Variants in KIF13B observed in about 807,000 individuals in gnomAD.
The protein encoded by KIF13B is kinesin-like protein KIF13B.
KIF13B carries 127 observed loss-of-function variants against 222.0 expected under a neutral mutation model. The observed-to-expected ratio is 0.57, with a 90% CI of 0.50 to 0.66. The LOEUF is 0.66. Ranked by LOEUF, KIF13B falls within the 30% of genes least tolerant of loss-of-function variation. KIF13B has a pLI of 0.00. For missense variants in KIF13B, 2,173 were observed against 2,379.0 expected (o/e 0.91, Z 1.80); for synonymous variants, 976 against 919.0 (o/e 1.06, Z -1.12).
chr8:29,249,192 C>G (rs541826240), intron 1 of KIF13B, among the ~76,000 whole-genome samples: 3 of 152,232 alleles, frequency 2.0e-5, no homozygotes, highest in Admixed American at 6.5e-5. Context: ...CTTTGGGAGG[C>G]CGAGAAGGGT....
chr8:29,184,001 A>C (rs112648422), intron 6 of KIF13B, among the ~76,000 whole-genome samples: 71 of 152,276 alleles, frequency 4.7e-4, no homozygotes, highest in African/African-American at 1.5e-3. Context: ...CTTAAATCTA[A>C]AATCTATAGT....
At chr8:29,188,629 A>G (rs1488416560) in intron 4 of KIF13B, 22 bp from the exon 5 acceptor site, 1 of 1,525,390 alleles carries the variant, frequency 6.6e-7, no homozygotes, top group African/African-American at 1.4e-5. Context: ...AGAATAAGAG[A>G]AAAGATATTT....
chr8:29,097,612 A>G (rs183930222), intron 36 of KIF13B, among the ~76,000 whole-genome samples: 34 of 152,338 alleles, frequency 2.2e-4, no homozygotes, highest in Non-Finnish European at 3.5e-4. Context: ...AATTAATGCT[A>G]GTTGATAAGT....
At chr8:29,178,866 G>A (rs538338408) in intron 8 of KIF13B, among the ~76,000 whole-genome samples, 5 of 152,014 alleles carry the variant, frequency 3.3e-5, no homozygotes, top group African/African-American at 9.7e-5. Context: ...TAGGGGGTAG[G>A]CATCATAATA....
intron 27 of KIF13B, 111 bp downstream of exon 27, chr8:29,123,913 C>A (rs866734851): frequency 1.5e-6 from 1 of 672,622 alleles, no homozygotes; most frequent in Non-Finnish European, 2.6e-6. Context: ...CTCCTGCCAT[C>A]CCCATTACTG....
chr8:29,081,653 T>G (rs1807815669), intron 37 of KIF13B, among the ~76,000 whole-genome samples: 1 of 152,238 alleles, frequency 6.6e-6, no homozygotes, highest in African/African-American at 2.4e-5. Context: ...TTCAATACAC[T>G]AGGTTAAACA....
At chr8:29,191,166 A>T (rs895774886) in intron 3 of KIF13B, 109 bp from the exon 4 acceptor site, 11 of 761,890 alleles carry the variant, frequency 1.4e-5, no homozygotes, top group Non-Finnish European at 2.4e-5. Context: ...ACTGTCATAC[A>T]ATGGGAATTA....
intron 30 of KIF13B, 104 bp downstream of exon 30, chr8:29,118,764 G>A (rs1809719459): frequency 8.4e-7 from 1 of 1,185,592 alleles, no homozygotes; most frequent in Non-Finnish European, 1.2e-6. Context: ...TGTATTTTGA[G>A]AAATGTAAAG....
At chr8:29,238,562 C>T (rs1815616377) in intron 2 of KIF13B, among the ~76,000 whole-genome samples, 1 of 152,200 alleles carries the variant, frequency 6.6e-6, no homozygotes, top group Non-Finnish European at 1.5e-5. Context: ...TCAGTCTTCC[C>T]ATTAGACTGG....
intron 38 of KIF13B, among the ~76,000 whole-genome samples, chr8:29,073,926 C>T (rs1193839150): frequency 6.6e-6 from 1 of 152,226 alleles, no homozygotes; most frequent in African/African-American, 2.4e-5. Context: ...AGCATAAATA[C>T]TCTAAAAGAT....
rs763069320 is a variant in KIF13B, at chr8:29,070,787, G to A, written c.5219-21C>T. On this transcript the variant is annotated intron_variant, in intron 39 of 39. Transcript: ENST00000524189. The surrounding 1 kb of genome is among the most constrained non-coding windows in gnomAD (Gnocchi z 4.1). Reference sequence around the variant, plus strand: ...CTTACCTGCGGGGGAAGGAGAGGGTGATATGGAGGGCAGCCGAGCTGCAGA... The same window carrying A: ...CTTACCTGCGGGGGAAGGAGAGGGTAATATGGAGGGCAGCCGAGCTGCAGA... 4 of 1,581,784 alleles carry A rather than the reference G, an allele frequency of 2.5e-6. No homozygotes were observed. The highest frequency in any genetic ancestry group is 2.7e-5 in the African/African-American group (2 of 74,260).
At chr8:29,187,881 G>A (rs1813010340) in intron 5 of KIF13B, among the ~76,000 whole-genome samples, 1 of 152,144 alleles carries the variant, frequency 6.6e-6, no homozygotes, top group African/African-American at 2.4e-5. Flanking sequence ...TCCAGATAAG[G>A]ACGCTGAAGG....
At chr8:29,191,099 C>T in intron 3 of KIF13B, 42 bp from the exon 4 acceptor site, 1 of 1,444,424 alleles carries the variant, frequency 6.9e-7, no homozygotes, top group Middle Eastern at 2.3e-4. Flanking sequence ...AAAACCTCAA[C>T]ATTACTTATA....
chr8:29,094,794 C>T lies in KIF13B; in HGVS notation c.4325-1916G>A, dbSNP rs1808447372. 3.3e-5 allele frequency among the ~76,000 whole-genome samples: 5 copies of T among 151,782 alleles called. 1 individual carries two copies. In the South Asian group the frequency reaches 1.0e-3, roughly 32 times the overall value. The stretch of plus-strand genomic sequence containing the variant: ...GATGCAAAGGAGAATACAGTCTTGA[C>T]AAGTGCACAGACCAGGAACATCAGC... On this transcript the variant is annotated intron_variant, in intron 36 of 39. Coordinates refer to ENST00000524189, the MANE Select transcript of KIF13B (RefSeq NM_015254.4).
chr8:29,257,408 A>G (rs1180626059), intron 1 of KIF13B, among the ~76,000 whole-genome samples: 1 of 152,088 alleles, frequency 6.6e-6, no homozygotes, highest in East Asian at 1.9e-4. Flanking sequence ...AGAGATCAAT[A>G]CATCCATTTC....
At chr8:29,193,895 G>A (rs747678562) in intron 3 of KIF13B, among the ~76,000 whole-genome samples, 11 of 152,008 alleles carry the variant, frequency 7.2e-5, no homozygotes, top group African/African-American at 1.2e-4. Flanking sequence ...TCAGCTCACC[G>A]CAAGCTCCAC....
Position 29,140,004 on chromosome 8 carries a change from T to C in KIF13B, c.2613+59A>G. The C allele has an allele frequency of 2.0e-6, 3 of 1,474,568 alleles. No individual in the cohort carries two copies. The South Asian group carries it at 3.9e-5, about 19-fold the overall frequency. 91.3% of individuals were successfully genotyped at this position (1,474,568 alleles called of 1,614,324 possible). On this transcript the variant is annotated intron_variant, in intron 21 of 39. Transcript: ENST00000524189. ...TTGTGATTTTTGCCATTAAAAGTAA[T>C]GGCAAAAACTGCAATGACTTTTGTA...
In KIF13B at chr8:29,177,686, G is replaced by C. The variant is rs573617095; in HGVS notation, c.721-108C>G. On this transcript the variant is annotated intron_variant, in intron 8 of 39. Coordinates refer to ENST00000524189, the MANE Select transcript of KIF13B (RefSeq NM_015254.4). The stretch of plus-strand genomic sequence containing the variant: ...GGAGGACAAGGAAGGAGGATCACCT[G>C]AGCCCAGGATTTCAAAAACAGCCTG... 2.3e-4 allele frequency: 175 copies of C among 765,068 alleles called. No individual in the cohort carries two copies. The African/African-American group carries it at 2.6e-3, about 11-fold the overall frequency. The allele number at this position is 765,068 out of a possible 1,614,324, so 47.4% of individuals were successfully genotyped here.
intron 36 of KIF13B, 90 bp from the exon 37 acceptor site, chr8:29,092,968 A>C (rs997407811): frequency 8.1e-7 from 1 of 1,231,770 alleles, no homozygotes; most frequent in Non-Finnish European, 1.1e-6. Flanking sequence ...ACTTGTCAGC[A>C]AATCTAACAA....
Sources: gnomAD v4.1 joint callset for allele counts (sites outside exome capture counted in the v4.1 genomes callset) on GRCh38, gnomAD v4.1.1 for gene constraint, Gnocchi (gnomAD v3.1) non-coding constraint, MANE v1.5 for transcripts, NCBI Gene and HGNC (gene_info 2026-07-23, HGNC 2026-07-21) for gene names.